Variants in TSPAN33 observed in about 807,000 individuals in gnomAD.
TSPAN33 encodes tetraspanin 33.
A neutral mutation model predicts 34.8 loss-of-function variants in TSPAN33; 27 were observed. That is an observed-to-expected ratio of 0.78 (90% CI 0.57 to 1.07). The LOEUF (loss-of-function observed/expected upper bound fraction) is 1.07, where lower values mean the gene tolerates loss of function less well. TSPAN33 is among the 50% of genes least tolerant of loss of function. TSPAN33 has a pLI of 0.00. For synonymous variants in TSPAN33, 119 were observed against 124.2 expected (o/e 0.96, Z 0.28); for missense variants, 272 against 324.9 (o/e 0.84, Z 1.25).
chr7:129,159,902 G>A (rs1210242372), intron 1 of TSPAN33, among the ~76,000 whole-genome samples: 1 of 152,214 alleles, frequency 6.6e-6, no homozygotes, highest in Non-Finnish European at 1.5e-5. Flanking sequence ...GGCCAGCTGA[G>A]TGTGGTGACT....
intron 1 of TSPAN33, among the ~76,000 whole-genome samples, chr7:129,155,716 A>T (rs28783746): frequency 0.77 from 116,377 of 151,302 alleles, 45,053 homozygotes; most frequent in Non-Finnish European, 0.8. Context: ...AAGATACTAC[A>T]TTACTTTTTT....
At position 129,144,985 on chromosome 7, in the gene TSPAN33, C is replaced by T. The variant is rs1418824026; in HGVS notation, c.5C>T (p.Ala2Val). ...GGCGGTGGCGGCGGCGGGGCCATGG[C>T]GCGGAGACCCCGGGCGCCGGCCGCC... M[A>V]RRPRAPAASG... The change falls in exon 1 of 8, where the codon GCG becomes GTG. Residue 2 changes from alanine to valine, a missense_variant. Transcript: ENST00000486685. 4.6e-6 allele frequency: 3 copies of T among 646,100 alleles called. No homozygotes were observed. Among genetic ancestry groups the T allele is most frequent in the East Asian group, 3.3e-5 (1 of 30,030 alleles). 40.0% of individuals were successfully genotyped at this position (646,100 alleles called of 1,614,324 possible). A position where few individuals can be genotyped will look rare whatever the true frequency, so the allele number is the denominator to read the frequency against.
At chr7:129,153,626 G>A (rs574947983) in intron 1 of TSPAN33, among the ~76,000 whole-genome samples, 1 of 138,106 alleles carries the variant, frequency 7.2e-6, no homozygotes, top group Non-Finnish European at 1.5e-5. Flanking sequence ...CTGTAAATTA[G>A]GTCACAGTAA....
chr7:129,150,953 C>A (rs961660942), intron 1 of TSPAN33, among the ~76,000 whole-genome samples: 1 of 152,076 alleles, frequency 6.6e-6, no homozygotes, highest in Non-Finnish European at 1.5e-5. Flanking sequence ...AGAAAAAAAG[C>A]TAAGCAGGAG....
In TSPAN33 at chr7:129,165,741, T is replaced by C. The variant is rs13240484; in HGVS notation, c.460-1037T>C. ...CCTGGCCAACATGATGAAACCCTGT[T>C]TCCACCAAAAATACAAAAATTAGCC... On this transcript the variant is annotated intron_variant, in intron 5 of 7. Coordinates refer to ENST00000486685, the MANE Select transcript of TSPAN33 (RefSeq NM_178562.5). This position sits in a 1 kb window ranked among gnomAD's most constrained non-coding sequence, Gnocchi z 4.5. Among the ~76,000 whole-genome samples, 150,955 of 152,106 alleles carry C rather than the reference T, an allele frequency of 0.99. 74,916 individuals are homozygous for C. Among genetic ancestry groups the C allele is most frequent in the Middle Eastern group, 1 (294 of 294 alleles).
intron 1 of TSPAN33, among the ~76,000 whole-genome samples, chr7:129,153,810 A>G (rs1030140445): frequency 1.3e-5 from 2 of 151,966 alleles, no homozygotes; most frequent in Non-Finnish European, 2.9e-5. Context: ...AGTTGGTGGC[A>G]TGTGTCTGTA....
intron 4 of TSPAN33, among the ~76,000 whole-genome samples, chr7:129,163,745 C>G (rs1584640645): frequency 6.6e-6 from 1 of 152,072 alleles, no homozygotes; most frequent in African/African-American, 2.4e-5. Flanking sequence ...GCGGGCAGAT[C>G]ACTTGAGGCC....
At chr7:129,166,979 T>A in intron 6 of TSPAN33, 73 bp downstream of exon 6, 1 of 1,540,546 alleles carries the variant, frequency 6.5e-7, no homozygotes, top group East Asian at 2.3e-5. Context: ...CAGCTGCTAC[T>A]GGGGATCCCC....
At chr7:129,158,516 A>G (rs906608712) in intron 1 of TSPAN33, among the ~76,000 whole-genome samples, 5 of 152,140 alleles carry the variant, frequency 3.3e-5, no homozygotes, top group Non-Finnish European at 4.4e-5. Flanking sequence ...AATAAGCATA[A>G]GTAGTTTTCC....
intron 1 of TSPAN33, among the ~76,000 whole-genome samples, chr7:129,159,040 C>T (rs1288967504): frequency 6.6e-6 from 1 of 150,984 alleles, no homozygotes; most frequent in East Asian, 2.0e-4. Context: ...TGAGCCACTG[C>T]ACCCGGCCCC....
At chr7:129,161,142 T>C (rs1460392726) in intron 1 of TSPAN33, among the ~76,000 whole-genome samples, 1 of 152,264 alleles carries the variant, frequency 6.6e-6, no homozygotes, top group Non-Finnish European at 1.5e-5. Context: ...GGCACAGTCA[T>C]GGCTCACTGC....
At chr7:129,161,870 C>A in intron 2 of TSPAN33, 134 bp downstream of exon 2, 3 of 1,081,728 alleles carry the variant, frequency 2.8e-6, no homozygotes, top group Non-Finnish European at 4.1e-6. Flanking sequence ...TCTTCATGGT[C>A]TACGTAGGTG....
chr7:129,163,749 T>C (rs986365667), intron 4 of TSPAN33, among the ~76,000 whole-genome samples: 1 of 152,122 alleles, frequency 6.6e-6, no homozygotes, highest in Admixed American at 6.5e-5. Flanking sequence ...GCAGATCACT[T>C]GAGGCCAGGA....
chr7:129,167,782 A>G lies in TSPAN33; in HGVS notation c.760A>G (p.Ile254Val). The G allele has an allele frequency of 3.1e-6, 5 of 1,614,162 alleles. No homozygotes were observed. The highest frequency in any genetic ancestry group is 4.2e-6 in the Non-Finnish European group (5 of 1,180,010). ...TTCTTGCCTCTCCCAGCTGGTGGGAATTCTGCTGTCCCAGATCCTAGTGAA... is the reference window on the plus strand; with the variant it reads ...TTCTTGCCTCTCCCAGCTGGTGGGAGTTCTGCTGTCCCAGATCCTAGTGAA... ...LGLAIPQLVG[I>V]LLSQILVNQI... is the part of the protein sequence containing the mutation. The change falls in exon 8 of 8, where the codon ATT becomes GTT. Residue 254 changes from isoleucine to valine, a missense_variant. By Grantham distance (29) the Ile-to-Val change is conservative (BLOSUM62 3). Transcript: ENST00000486685. The surrounding 1 kb of genome is among the most constrained non-coding windows in gnomAD (Gnocchi z 4.6).
Position 129,149,743 on chromosome 7 carries a change from C to T in TSPAN33, c.102+4661C>T, listed in dbSNP as rs544630834. 4.3e-3 allele frequency among the ~76,000 whole-genome samples: 657 copies of T among 152,306 alleles called. 1 individual carries two copies. The highest frequency in any genetic ancestry group is 0.014 in the Middle Eastern group (4 of 294). On this transcript the variant is annotated intron_variant, in intron 1 of 7. Coordinates refer to ENST00000486685, the MANE Select transcript of TSPAN33 (RefSeq NM_178562.5). ...CCTGAGGAAGATGCCAAAGGCTTGG[C>T]CCCGGACATTGTTGAGGAAGGAGCC...
chr7:129,162,913 A>G lies in TSPAN33; in HGVS notation c.363+6A>G, dbSNP rs779740017. On this transcript the variant is annotated splice_donor_region_variant and intron_variant, in intron 4 of 7. Transcript: ENST00000486685. ...GCTTCGTCTTCTCAGACAAGGTAAC[A>G]CTGGGAGCCAGGAGGCCTCCTCAGG... is the stretch of plus-strand genomic sequence containing the variant. 5.5e-5 allele frequency: 89 copies of G among 1,613,302 alleles called. No homozygotes were observed. Among genetic ancestry groups the G allele is most frequent in the Admixed American group, 1.8e-4 (11 of 59,990 alleles).
At chr7:129,152,610 C>A (rs891479756) in intron 1 of TSPAN33, among the ~76,000 whole-genome samples, 1 of 152,092 alleles carries the variant, frequency 6.6e-6, no homozygotes, top group Non-Finnish European at 1.5e-5. Context: ...TCGCTTGAAC[C>A]TGAGAGGCAG....
rs138307955 is a variant in TSPAN33, at chr7:129,161,593, TCTC to T, written c.103-83_103-81del. 3.3e-3 allele frequency: 4,415 copies of T among 1,320,166 alleles called. 130 individuals are homozygous for T. The African/African-American group carries it at 0.057, about 17-fold the overall frequency. 81.8% of individuals were successfully genotyped at this position (1,320,166 alleles called of 1,614,324 possible). On this transcript the variant is annotated intron_variant, in intron 1 of 7. Transcript: ENST00000486685. ...CTTTGGGTCCCAGGAAAGCAGTCCTTCTCCTGCTCTCCTAGGTTTCTCATGGCA... is the reference window on the plus strand; with the variant it reads ...CTTTGGGTCCCAGGAAAGCAGTCCTTCTGCTCTCCTAGGTTTCTCATGGCA...
At position 129,162,402 on chromosome 7, in the gene TSPAN33, C is replaced by T. The variant is rs764226012; in HGVS notation, c.169C>T (p.Leu57=). 1 of 1,613,142 alleles carries T rather than the reference C, an allele frequency of 6.2e-7. No individual in the cohort carries two copies. Among genetic ancestry groups the T allele is most frequent in the Non-Finnish European group, 8.5e-7 (1 of 1,179,994 alleles). ...ARLMKHAEAA[L]ACLAVDPAIL... is the part of the protein sequence containing the mutation. ...GCCGGCTCCTTTTCCAGAAGCAGCC[C>T]TAGCCTGCCTGGCAGTGGACCCTGC... The change falls in exon 3 of 8, where the codon CTA becomes TTA. Residue 57 remains leucine (L), a synonymous_variant. Coordinates refer to ENST00000486685, the MANE Select transcript of TSPAN33 (RefSeq NM_178562.5).
Sources: allele counts gnomAD v4.1 joint callset (sites outside exome capture counted in the v4.1 genomes callset), GRCh38; gene constraint gnomAD v4.1.1; non-coding constraint Gnocchi (gnomAD v3.1); transcripts MANE v1.5; gene names NCBI Gene and HGNC (gene_info 2026-07-23, HGNC 2026-07-21).